Variants in FSTL4 observed in about 807,000 individuals in gnomAD.
FSTL4 encodes follistatin-related protein 4.
In FSTL4, 28 loss-of-function variants were observed where a neutral mutation model predicts 78.2. That is an observed-to-expected ratio of 0.36 (90% CI 0.27 to 0.49). The LOEUF (loss-of-function observed/expected upper bound fraction) is 0.49, where lower values mean the gene tolerates loss of function less well. Among genes scored for constraint, FSTL4 ranks in the 20% least tolerant of loss-of-function variants. The pLI, the probability that FSTL4 is intolerant of heterozygous loss-of-function variation, is 0.98. For missense variants in FSTL4, 922 were observed against 1,084.9 expected (o/e 0.85, Z 2.11); for synonymous variants, 422 against 440.5 (o/e 0.96, Z 0.53).
At chr5:133,229,851 C>T (rs1467721450) in intron 8 of FSTL4, among the ~76,000 whole-genome samples, 1 of 147,792 alleles carries the variant, frequency 6.8e-6, no homozygotes, top group Non-Finnish European at 1.5e-5. Context: ...GGGAGATAGC[C>T]TCAGGCCCTA....
chr5:133,438,523 G>A (rs1188150761), intron 3 of FSTL4, among the ~76,000 whole-genome samples: 2 of 152,236 alleles, frequency 1.3e-5, no homozygotes, highest in African/African-American at 4.8e-5. Flanking sequence ...TGTACATGTC[G>A]TTAAGATGTA....
At chr5:133,699,366 T>C in the FSTL4 span, among the ~76,000 whole-genome samples, 16 of 151,852 alleles carry the variant, frequency 1.1e-4, no homozygotes, top group Admixed American at 6.6e-5. Context: ...TAAGGACCAT[T>C]TGCATCAAAA....
At chr5:133,632,111 C>T in the FSTL4 span, among the ~76,000 whole-genome samples, 231 of 152,154 alleles carry the variant, frequency 1.5e-3, no homozygotes, top group African/African-American at 4.9e-3. Context: ...CAAACCTGTA[C>T]GTTCTGCACA....
At chr5:133,490,161 C>T (rs1758227990) in intron 3 of FSTL4, among the ~76,000 whole-genome samples, 1 of 151,142 alleles carries the variant, frequency 6.6e-6, no homozygotes, top group African/African-American at 2.4e-5. Flanking sequence ...CTGCAGGGTG[C>T]CATGAAAAAT....
At chr5:133,625,803 CAT>C in the FSTL4 span, among the ~76,000 whole-genome samples, 10 of 8,784 alleles carry the variant, frequency 1.1e-3, 2 homozygotes, top group African/African-American at 1.7e-3. Flanking sequence ...ATATATATTC[CAT>C]ATATATATAT....
At chr5:133,286,863 C>T (rs551967026) in intron 6 of FSTL4, among the ~76,000 whole-genome samples, 1 of 152,222 alleles carries the variant, frequency 6.6e-6, no homozygotes, top group African/African-American at 2.4e-5. Flanking sequence ...CTCAATGCTG[C>T]CCTCAGACCA....
At chr5:133,825,921 C>G in the FSTL4 span, among the ~76,000 whole-genome samples, 1 of 152,236 alleles carries the variant, frequency 6.6e-6, no homozygotes, top group East Asian at 1.9e-4. Flanking sequence ...GCACTCAGAA[C>G]CCATCCCCGG....
intron 3 of FSTL4, among the ~76,000 whole-genome samples, chr5:133,508,717 G>A (rs541432345): frequency 2.0e-5 from 3 of 152,218 alleles, no homozygotes; most frequent in Non-Finnish European, 4.4e-5. Flanking sequence ...GAGGATTTTA[G>A]TATCTGTGGA....
chr5:133,726,989 G>T, the FSTL4 span, among the ~76,000 whole-genome samples: 3 of 152,098 alleles, frequency 2.0e-5, no homozygotes, highest in Non-Finnish European at 2.9e-5. Context: ...ATTGGAGACC[G>T]TGGCATGTCG....
At chr5:133,773,644 G>A in the FSTL4 span, among the ~76,000 whole-genome samples, 1 of 152,120 alleles carries the variant, frequency 6.6e-6, no homozygotes, top group African/African-American at 2.4e-5. Context: ...TTTAGAGAAG[G>A]TATCAGCTTA....
intron 4 of FSTL4, among the ~76,000 whole-genome samples, chr5:133,371,681 T>C (rs1755305306): frequency 6.6e-6 from 1 of 152,268 alleles, no homozygotes; most frequent in Non-Finnish European, 1.5e-5. Context: ...ACCTTTGTTC[T>C]CAGATTCTTT....
At chr5:133,623,173 C>G in the FSTL4 span, among the ~76,000 whole-genome samples, 1 of 151,732 alleles carries the variant, frequency 6.6e-6, no homozygotes, top group Non-Finnish European at 1.5e-5. Flanking sequence ...CAAAAATCAA[C>G]TGGGTAGAAA....
intron 4 of FSTL4, among the ~76,000 whole-genome samples, chr5:133,345,442 C>G (rs1275762145): frequency 6.6e-6 from 1 of 152,130 alleles, no homozygotes; most frequent in African/African-American, 2.4e-5. Context: ...TCCCATTTGT[C>G]TATTTTGGCT....
Position 133,395,199 on chromosome 5 carries a change from C to G in FSTL4, c.409+5539G>C, listed in dbSNP as rs111398324. Among the ~76,000 whole-genome samples the G allele has an allele frequency of 3.9e-3, 594 of 151,932 alleles. 5 individuals carry two copies. Among genetic ancestry groups the G allele is most frequent in the African/African-American group, 0.014 (567 of 41,546 alleles). ...TGGGTCCCCTTCCACCCCGTGGAAG[C>G]TTTGTTCTTTCGCTCTTTGCAATAA... On this transcript the variant is annotated intron_variant, in intron 4 of 15. Transcript: ENST00000265342.
At chr5:133,247,431 G>C (rs993788828) in intron 7 of FSTL4, 4 of 152,324 alleles carry the variant, frequency 2.6e-5, no homozygotes, top group Admixed American at 6.5e-5. Flanking sequence ...ATGTCTTTCA[G>C]TGGAGCGCCA....
intron 3 of FSTL4, among the ~76,000 whole-genome samples, chr5:133,447,441 C>T (rs562018008): frequency 9.8e-5 from 15 of 152,324 alleles, no homozygotes; most frequent in South Asian, 2.1e-4. Flanking sequence ...AAGAATGACC[C>T]GCTTCATAAG....
rs1393793590 is a variant in FSTL4 at position 133,201,998 on chromosome 5, G to A, written c.1761C>T (p.Arg587=). ...ASTGQSQHLI[R]TPFAGVDDFF... ...AATCATCCACTCCTGCAAAGGGTGTGCGGATGAGGTGCTGGCTCTGGCCGG... is the reference window on the plus strand; with the variant it reads ...AATCATCCACTCCTGCAAAGGGTGTACGGATGAGGTGCTGGCTCTGGCCGG... Residue 587 remains arginine, a synonymous_variant, in exon 15 of 16, where the codon CGC becomes CGT. Transcript: ENST00000265342. The A allele has an allele frequency of 6.2e-7, 1 of 1,612,646 alleles. No homozygotes were observed.
intron 14 of FSTL4, among the ~76,000 whole-genome samples, chr5:133,205,643 CAA>C (rs1348764079): frequency 6.6e-6 from 1 of 152,180 alleles, no homozygotes; most frequent in African/African-American, 2.4e-5. Flanking sequence ...AAGAATTTAA[CAA>C]GTCAGCTTTT....
the FSTL4 span, among the ~76,000 whole-genome samples, chr5:133,810,905 C>T: frequency 6.6e-6 from 1 of 152,318 alleles, no homozygotes; most frequent in African/African-American, 2.4e-5. Flanking sequence ...CATTCACCTG[C>T]GCAAGCTTCC....
Sources: gnomAD v4.1 joint callset for allele counts (sites outside exome capture counted in the v4.1 genomes callset) on GRCh38, gnomAD v4.1.1 for gene constraint, MANE v1.5 for transcripts, NCBI Gene and HGNC (gene_info 2026-07-23, HGNC 2026-07-21) for gene names.